STAG1: variants seen among roughly 807,000 people sequenced by gnomAD.
The protein encoded by STAG1 is STAG1 cohesin complex component.
STAG1 carries 26 observed loss-of-function variants against 170.9 expected under a neutral mutation model. That is an observed-to-expected ratio of 0.15 (90% confidence interval 0.11 to 0.21). The LOEUF is 0.21. Ranked by LOEUF, STAG1 falls within the 10% of genes least tolerant of loss-of-function variation. The probability of loss-of-function intolerance (pLI) is 1.00; values close to 1 mark genes in which losing one functional copy is unlikely to be tolerated. For missense variants in STAG1, 964 were observed against 1,509.5 expected (o/e 0.64, Z 5.99); for synonymous variants, 514 against 497.7 (o/e 1.03, Z -0.44).
chr3:136,380,320 C>A (rs1199340288), intron 22 of STAG1, among the ~76,000 whole-genome samples: 1 of 151,926 alleles, frequency 6.6e-6, no homozygotes, highest in Non-Finnish European at 1.5e-5. Flanking sequence ...TGGCCCACTG[C>A]AGCCTCTGTC....
At chr3:136,561,189 T>C (rs1429515243) in intron 5 of STAG1, among the ~76,000 whole-genome samples, 1 of 152,228 alleles carries the variant, frequency 6.6e-6, no homozygotes, top group Non-Finnish European at 1.5e-5. Context: ...TTGTCCCTTG[T>C]CGTTTGACTT....
At chr3:136,459,189 GC>G (rs2089203784) in intron 13 of STAG1, among the ~76,000 whole-genome samples, 2 of 148,564 alleles carry the variant, frequency 1.3e-5, no homozygotes, top group South Asian at 4.3e-4. Flanking sequence ...CTGCACTCCA[GC>G]CTGGCGACAG....
chr3:136,605,897 C>T (rs1019761260), intron 3 of STAG1, among the ~76,000 whole-genome samples: 1 of 152,134 alleles, frequency 6.6e-6, no homozygotes, highest in Non-Finnish European at 1.5e-5. Context: ...GTACCTGCTC[C>T]CTGCATTTGC....
intron 7 of STAG1, among the ~76,000 whole-genome samples, chr3:136,513,416 C>A (rs1052642941): frequency 2.6e-5 from 4 of 151,580 alleles, no homozygotes; most frequent in African/African-American, 9.7e-5. Flanking sequence ...AAAGGATACT[C>A]AAAATTAATA....
chr3:136,512,430 T>TA (rs1442758846), intron 7 of STAG1, among the ~76,000 whole-genome samples: 1 of 152,210 alleles, frequency 6.6e-6, no homozygotes, highest in Non-Finnish European at 1.5e-5. Context: ...TCAAAGTCTG[T>TA]ATAATAAGCA....
chr3:136,422,897 A>G lies in STAG1; in HGVS notation c.1744-40T>C, dbSNP rs374636005. 46 of 1,593,246 alleles carry G rather than the reference A, an allele frequency of 2.9e-5. No homozygotes were observed. In the African/African-American group the frequency reaches 5.9e-4, roughly 21 times the overall value. On this transcript the variant is annotated intron_variant, in intron 17 of 33. Transcript: ENST00000383202. ...AAAGAAAAAGACAGTAACTACTTTA[A>G]TAGTACAATGAAAGCAAACTCAGTG...
At chr3:136,478,295 A>G (rs960036904) in intron 9 of STAG1, among the ~76,000 whole-genome samples, 3 of 152,198 alleles carry the variant, frequency 2.0e-5, no homozygotes, top group Non-Finnish European at 4.4e-5. Context: ...ATTCTGGCTC[A>G]TTGCCTAGAT....
chr3:136,750,163 C>T (rs1219611058), intron 1 of STAG1, among the ~76,000 whole-genome samples: 1 of 152,104 alleles, frequency 6.6e-6, no homozygotes, highest in African/African-American at 2.4e-5. Context: ...ACACAATCAC[C>T]GTAAGATACT....
intron 12 of STAG1, among the ~76,000 whole-genome samples, chr3:136,465,782 A>T (rs535786924): frequency 6.6e-6 from 1 of 152,036 alleles, no homozygotes; most frequent in East Asian, 1.9e-4. Flanking sequence ...AATACTAAAT[A>T]CTATTCTAAC....
At chr3:136,654,271 T>C (rs1941303883) in intron 1 of STAG1, among the ~76,000 whole-genome samples, 1 of 152,098 alleles carries the variant, frequency 6.6e-6, no homozygotes, top group Non-Finnish European at 1.5e-5. Context: ...AGCTTTAGAA[T>C]AAACAAATAA....
intron 19 of STAG1, among the ~76,000 whole-genome samples, chr3:136,421,590 C>G (rs2087959075): frequency 6.6e-6 from 1 of 151,892 alleles, no homozygotes; most frequent in Non-Finnish European, 1.5e-5. Flanking sequence ...ACATGGTCAT[C>G]AGAGCACAGA....
intron 8 of STAG1, 61 bp downstream of exon 8, chr3:136,502,567 A>C: frequency 6.6e-7 from 1 of 1,523,850 alleles, no homozygotes; most frequent in South Asian, 1.3e-5. Context: ...AAAAAGTACT[A>C]ATGTCATATA....
intron 1 of STAG1, among the ~76,000 whole-genome samples, chr3:136,694,314 A>C (rs1942813375): frequency 6.6e-6 from 1 of 152,096 alleles, no homozygotes; most frequent in Admixed American, 6.6e-5. Flanking sequence ...ACATGAGTAC[A>C]CTGATAAAGA....
rs964800323 is a variant in STAG1, at chr3:136,651,767, G to C, written c.-83-20786C>G. On this transcript the variant is annotated intron_variant, in intron 1 of 33. Coordinates refer to ENST00000383202, the MANE Select transcript of STAG1 (RefSeq NM_005862.3). ...TCAAGAAGGGGAGGAAACTTGGAAC[G>C]CTGCCCAATTATCAAGCCTACACCT... Among the ~76,000 whole-genome samples, 3 of 152,076 alleles carry C rather than the reference G, an allele frequency of 2.0e-5. No individual in the cohort carries two copies. In the East Asian group the frequency reaches 5.8e-4, roughly 29 times the overall value.
intron 25 of STAG1, among the ~76,000 whole-genome samples, chr3:136,364,500 T>G (rs941321512): frequency 6.7e-6 from 1 of 149,692 alleles, no homozygotes; most frequent in African/African-American, 2.5e-5. Flanking sequence ...TGCTTACTTC[T>G]GGGGGGTGGG....
chr3:136,638,359 T>C (rs1369052647), intron 1 of STAG1, among the ~76,000 whole-genome samples: 2 of 151,964 alleles, frequency 1.3e-5, no homozygotes, highest in Non-Finnish European at 2.9e-5. Flanking sequence ...GGTCTCAAAC[T>C]CCTGACCTCA....
At chr3:136,396,220 T>G (rs1405329568) in intron 22 of STAG1, among the ~76,000 whole-genome samples, 10 of 144,588 alleles carry the variant, frequency 6.9e-5, no homozygotes, top group Admixed American at 6.9e-5. Flanking sequence ...TTTTTTTTTT[T>G]TTTTTTTTTT....
intron 1 of STAG1, among the ~76,000 whole-genome samples, chr3:136,703,380 TGTCAGG>T (rs1429056666): frequency 6.6e-6 from 1 of 152,184 alleles, no homozygotes; most frequent in African/African-American, 2.4e-5. Context: ...AGCTTGCTGA[TGTCAGG>T]GTGGACAATA....
At chr3:136,476,377 G>T (rs890531576) in intron 10 of STAG1, among the ~76,000 whole-genome samples, 4 of 152,180 alleles carry the variant, frequency 2.6e-5, no homozygotes, top group African/African-American at 7.2e-5. Context: ...ATAGTCAAGG[G>T]GGGTGGGAAC....
Sources: allele counts gnomAD v4.1 joint callset (sites outside exome capture counted in the v4.1 genomes callset), GRCh38; gene constraint gnomAD v4.1.1; transcripts MANE v1.5; gene names NCBI Gene and HGNC (gene_info 2026-07-23, HGNC 2026-07-21).